Variants in MLIP observed in about 807,000 individuals in gnomAD.
MLIP encodes the protein muscular LMNA-interacting protein.
A neutral mutation model predicts 84.8 loss-of-function variants in MLIP; 79 were observed. The observed-to-expected ratio is 0.93, with a 90% CI of 0.78 to 1.12. MLIP has a LOEUF of 1.12. MLIP is among the 50% of genes most tolerant of loss of function. The pLI is 0.00. For missense variants in MLIP, 1,257 were observed against 1,160.6 expected (o/e 1.08, Z -1.21); for synonymous variants, 504 against 463.0 (o/e 1.09, Z -1.14).
chr6:54,177,177 A>G (rs749099418), intron 9 of MLIP, among the ~76,000 whole-genome samples: 1 of 152,232 alleles, frequency 6.6e-6, no homozygotes, highest in Non-Finnish European at 1.5e-5. Context: ...AAGTAATTTC[A>G]TCAAAAGCAA....
intron 9 of MLIP, among the ~76,000 whole-genome samples, chr6:54,181,107 C>G (rs999492586): frequency 1.3e-5 from 2 of 152,278 alleles, no homozygotes; most frequent in East Asian, 3.9e-4. Flanking sequence ...CAAGTTCCCC[C>G]AGGCCCTCCG....
chr6:54,053,942 A>G (rs984521124), intron 1 of MLIP, among the ~76,000 whole-genome samples: 1 of 152,184 alleles, frequency 6.6e-6, no homozygotes, highest in African/African-American at 2.4e-5. Flanking sequence ...TGGCTCTACT[A>G]TCTAAGCCTG....
intron 3 of MLIP, among the ~76,000 whole-genome samples, chr6:54,132,667 AAAG>A (rs2150470349): frequency 6.6e-6 from 1 of 152,300 alleles, no homozygotes; most frequent in South Asian, 2.1e-4. Flanking sequence ...CAACAACAAA[AAAG>A]AAAACACAAA....
intron 11 of MLIP, among the ~76,000 whole-genome samples, chr6:54,223,212 C>T (rs1780336406): frequency 1.3e-5 from 2 of 151,490 alleles, no homozygotes; most frequent in South Asian, 4.2e-4. Context: ...TTGAATGTTC[C>T]CTTTGCTGTA....
intron 1 of MLIP, among the ~76,000 whole-genome samples, chr6:54,027,044 C>A (rs968764509): frequency 1.3e-5 from 2 of 152,158 alleles, no homozygotes; most frequent in African/African-American, 4.8e-5. Context: ...TTTATTCAAA[C>A]ATTAGGAATC....
Position 54,111,477 on chromosome 6 carries a change from T to A in MLIP, c.-3T>A. ...TTTGCTCGCTCCCTTATGTGATGAA[T>A]CAATGCTTTCAGAACAGGGGCTTCT... is the stretch of plus-strand genomic sequence containing the variant. On this transcript the variant is annotated 5_prime_UTR_variant, in exon 1 of 14. Coordinates refer to ENST00000502396, the MANE Select transcript of MLIP (RefSeq NM_001281747.2). The A allele has an allele frequency of 6.5e-7, 1 of 1,536,016 alleles. No individual in the cohort carries two copies. Among genetic ancestry groups the A allele is most frequent in the Non-Finnish European group, 8.7e-7 (1 of 1,146,840 alleles).
intron 5 of MLIP, among the ~76,000 whole-genome samples, chr6:54,158,789 C>G (rs1313631119): frequency 6.6e-6 from 1 of 151,910 alleles, no homozygotes; most frequent in African/African-American, 2.4e-5. Context: ...TGCTGATGCT[C>G]TGGTAAGAGA....
chr6:54,168,853 CTT>C (rs3996971), intron 8 of MLIP, among the ~76,000 whole-genome samples: 210 of 118,824 alleles, frequency 1.8e-3, no homozygotes, highest in African/African-American at 5.4e-3. Flanking sequence ...GGGTTGAGGT[CTT>C]TTTTTTTTTT....
chr6:54,143,665 C>T (rs1772524711), intron 4 of MLIP, among the ~76,000 whole-genome samples: 1 of 152,056 alleles, frequency 6.6e-6, no homozygotes, highest in African/African-American at 2.4e-5. Context: ...TCAGGGCATG[C>T]TTGGAGTGGT....
chr6:54,160,583 A>G lies in MLIP; in HGVS notation c.2423A>G (p.Gln808Arg), dbSNP rs1374890585. 5 of 1,611,148 alleles carry G rather than the reference A, an allele frequency of 3.1e-6. No individual in the cohort carries two copies. The highest frequency in any genetic ancestry group is 2.5e-6 in the Non-Finnish European group (3 of 1,177,972). The change falls in exon 7 of 14, where the codon CAG (glutamine) becomes CGG (arginine). Residue 808 changes from glutamine (Q) to arginine (R), a missense_variant. Physicochemically the swap from Gln to Arg is conservative, Grantham distance 43 (BLOSUM62 1). Transcript: ENST00000502396. Reference sequence around the variant, plus strand: ...TGTGCTACCATTGATAAGGTCTTACAGGATTCCTTGTCTATGGTAATGCTT... The same window carrying G: ...TGTGCTACCATTGATAAGGTCTTACGGGATTCCTTGTCTATGGTAATGCTT... ...ELCATIDKVL[Q>R]DSLSMHSSDS...
chr6:54,208,918 G>A (rs1779227767), intron 11 of MLIP, among the ~76,000 whole-genome samples: 1 of 152,172 alleles, frequency 6.6e-6, no homozygotes, highest in African/African-American at 2.4e-5. Flanking sequence ...CTGTTAATAA[G>A]TATGCTTAGG....
chr6:54,154,043 T>C lies in MLIP; in HGVS notation c.2289+4916T>C, dbSNP rs372877422. 3.9e-5 allele frequency among the ~76,000 whole-genome samples: 6 copies of C among 152,152 alleles called. No individual in the cohort carries two copies. The East Asian group carries it at 9.7e-4, about 25-fold the overall frequency. ...CTATGGTAAATGGTTCTCGGGTAGT[T>C]GTCTACTATGTGCATAATTTAAAAA... is the stretch of plus-strand genomic sequence containing the variant. On this transcript the variant is annotated intron_variant, in intron 5 of 13. Transcript: ENST00000502396.
intron 12 of MLIP, among the ~76,000 whole-genome samples, chr6:54,233,792 A>C (rs1054749493): frequency 6.6e-6 from 1 of 152,116 alleles, no homozygotes; most frequent in African/African-American, 2.4e-5. Context: ...ACAATTGTTG[A>C]ACTAATTTAC....
At position 54,230,743 on chromosome 6, in the gene MLIP, G is replaced by T; in HGVS notation, c.2748G>T (p.Ser916=). 1 of 1,613,862 alleles carries T rather than the reference G, an allele frequency of 6.2e-7. No individual in the cohort carries two copies. The highest frequency in any genetic ancestry group is 8.5e-7 in the Non-Finnish European group (1 of 1,179,936). ...TAACAGTCCCTCCCAAGCCTGTCTC[G>T]CTCCATCCTTTATATCAGACTAAAC... ...QDVTVPPKPV[S]LHPLYQTKLY... is the part of the protein sequence containing the mutation. The change falls in exon 12 of 14, where the codon TCG becomes TCT. Residue 916 remains serine, a synonymous_variant. Coordinates refer to ENST00000502396, the MANE Select transcript of MLIP (RefSeq NM_001281747.2).
At chr6:54,252,792 T>C (rs903753977) in intron 12 of MLIP, among the ~76,000 whole-genome samples, 3 of 151,898 alleles carry the variant, frequency 2.0e-5, no homozygotes, top group Non-Finnish European at 4.4e-5. Flanking sequence ...GTATGATCTA[T>C]GGACTTAAAC....
At chr6:54,148,511 G>A (rs1206031412) in intron 4 of MLIP, among the ~76,000 whole-genome samples, 10 of 152,096 alleles carry the variant, frequency 6.6e-5, no homozygotes, top group Admixed American at 1.3e-4. Flanking sequence ...GAGTTACATT[G>A]CTGATATTAT....
chr6:54,244,559 T>A (rs1379132098), intron 12 of MLIP, among the ~76,000 whole-genome samples: 3 of 152,136 alleles, frequency 2.0e-5, no homozygotes, highest in African/African-American at 7.2e-5. Context: ...AGAGAAGTGG[T>A]TTTGCAAAAT....
chr6:54,036,991 A>C (rs1582004021), intron 1 of MLIP, among the ~76,000 whole-genome samples: 1 of 152,026 alleles, frequency 6.6e-6, no homozygotes, highest in South Asian at 2.1e-4. Flanking sequence ...GCAGGACTTA[A>C]AAATATTCTT....
chr6:54,211,717 C>T (rs1281189728), intron 11 of MLIP, among the ~76,000 whole-genome samples: 1 of 152,146 alleles, frequency 6.6e-6, no homozygotes, highest in Non-Finnish European at 1.5e-5. Context: ...TAGTAGGTGG[C>T]GGCCAGGGAT....
Sources: gnomAD v4.1 joint callset for allele counts (sites outside exome capture counted in the v4.1 genomes callset) on GRCh38, gnomAD v4.1.1 for gene constraint, MANE v1.5 for transcripts, NCBI Gene and HGNC (gene_info 2026-07-23, HGNC 2026-07-21) for gene names.